LIFR: variants seen among roughly 807,000 people sequenced by gnomAD.
The protein encoded by LIFR is leukemia inhibitory factor receptor.
LIFR carries 84 observed loss-of-function variants against 122.2 expected under a neutral mutation model. The observed-to-expected ratio is 0.69, with a 90% CI of 0.58 to 0.82. The LOEUF (loss-of-function observed/expected upper bound fraction) is 0.82. Ranked by LOEUF, LIFR falls within the 40% of genes least tolerant of loss-of-function variation. The pLI is 0.00. For missense variants in LIFR, 1,294 were observed against 1,311.6 expected (o/e 0.99, Z 0.21); for synonymous variants, 422 against 434.7 (o/e 0.97, Z 0.36).
intron 1 of LIFR, among the ~76,000 whole-genome samples, chr5:38,549,112 C>T (rs1032717519): frequency 2.0e-5 from 3 of 152,090 alleles, no homozygotes; most frequent in African/African-American, 4.8e-5. Context: ...CTTCACCACA[C>T]GGCATGCTTT....
chr5:38,502,658 GT>G lies in LIFR; in HGVS notation c.1578del (p.Lys526AsnfsTer4), dbSNP rs1554020702. ...FWKWSKWSNK[K>X]QHLTTEASPS... ...TTACTGGCTTCTGTTGTTAAATGTTGTTTTTTATTGCTCCATTTGCTCCATT... is the reference window on the plus strand; with the variant it reads ...TTACTGGCTTCTGTTGTTAAATGTTGTTTTTATTGCTCCATTTGCTCCATT... On this transcript the variant is annotated frameshift_variant, in exon 11 of 20. Transcript: ENST00000453190. LOFTEE classifies it high-confidence loss of function. The G allele has an allele frequency of 6.2e-7, 1 of 1,613,062 alleles. No individual in the cohort carries two copies. Among genetic ancestry groups the G allele is most frequent in the Non-Finnish European group, 8.5e-7 (1 of 1,179,292 alleles).
At chr5:38,510,084 A>C (rs558160908) in intron 7 of LIFR, among the ~76,000 whole-genome samples, 1 of 152,356 alleles carries the variant, frequency 6.6e-6, no homozygotes, top group Non-Finnish European at 1.5e-5. Context: ...TTTAATTTAG[A>C]TACTTTAAAA....
intron 1 of LIFR, among the ~76,000 whole-genome samples, chr5:38,537,400 G>A (rs1747348536): frequency 6.6e-6 from 1 of 152,172 alleles, no homozygotes; most frequent in African/African-American, 2.4e-5. Flanking sequence ...ATACTTTAGA[G>A]TAACATCTGA....
At chr5:38,518,953 AAAAGTTTAC>A (rs1348790977) in intron 5 of LIFR, among the ~76,000 whole-genome samples, 1 of 152,240 alleles carries the variant, frequency 6.6e-6, no homozygotes, top group African/African-American at 2.4e-5. Flanking sequence ...TTTTTAACAA[AAAAGTTTAC>A]AAAGTTAAAG....
chr5:38,493,705 C>T lies in LIFR; in HGVS notation c.1966G>A (p.Asp656Asn), dbSNP rs145799748. ...GAGTTACACCACTTAATGACGTAGT[C>T]GCAAGTCATGTTGGGGTCGTAATGC... ...TWHYDPNMTC[D>N]YVIKWCNSSR... Residue 656 changes from aspartate (D) to asparagine (N), a missense_variant, in exon 14 of 20, where the codon GAC becomes AAC. Physicochemically the swap from Asp to Asn is conservative, Grantham distance 23 (BLOSUM62 1). Transcript: ENST00000453190. 28 of 1,613,956 alleles carry T rather than the reference C, an allele frequency of 1.7e-5. No individual in the cohort carries two copies. The highest frequency in any genetic ancestry group is 3.3e-4 in the Middle Eastern group (2 of 6,084).
At chr5:38,536,855 C>T (rs2112593693) in intron 1 of LIFR, among the ~76,000 whole-genome samples, 1 of 152,296 alleles carries the variant, frequency 6.6e-6, no homozygotes, top group East Asian at 1.9e-4. Flanking sequence ...TGAAATTTAA[C>T]ATTTGCTACA....
rs1743953880 is a variant in LIFR, at chr5:38,480,966, CT to C, written c.*628del. The C allele has an allele frequency of 4.5e-6, 1 of 221,216 alleles. No homozygotes were observed. 13.7% of individuals were successfully genotyped at this position (221,216 alleles called of 1,614,324 possible). ...ACACTTGTTTTCAAAGTTTGTACCC[CT>C]GAGACAACTGTTTGATAACCATTAT... On this transcript the variant is annotated 3_prime_UTR_variant, in exon 20 of 20. Coordinates refer to ENST00000453190, the MANE Select transcript of LIFR (RefSeq NM_001127671.2).
intron 2 of LIFR, 35 bp from the exon 3 acceptor site, chr5:38,528,875 CACAGACACACAT>C (rs1378582229): frequency 5.7e-5 from 27 of 471,860 alleles, no homozygotes; most frequent in Admixed American, 1.1e-4. Flanking sequence ...CACACACACA[CACAGACACACAT>C]AAACACAGAA....
At chr5:38,587,669 A>G (rs1275873685) in intron 1 of LIFR, among the ~76,000 whole-genome samples, 2 of 152,140 alleles carry the variant, frequency 1.3e-5, no homozygotes, top group Non-Finnish European at 2.9e-5. Context: ...GGGGACAAAT[A>G]GGGAGAAGAA....
chr5:38,510,384 C>A lies in LIFR; in HGVS notation c.991+80G>T, dbSNP rs6451387. The stretch of plus-strand genomic sequence containing the variant: ...GAAACAGAATCACTCCTCCCACCCC[C>A]CCACTCCAGAAGAATTAAGGCTTTC... On this transcript the variant is annotated intron_variant, in intron 7 of 19. Transcript: ENST00000453190. The A allele has an allele frequency of 6.9e-3, 8,967 of 1,300,474 alleles. 489 individuals are homozygous for A. The African/African-American group carries it at 0.11, about 16-fold the overall frequency. The allele number at this position is 1,300,474 out of a possible 1,614,324, so 80.6% of individuals were successfully genotyped here.
In LIFR at chr5:38,477,061, C is replaced by T. The variant is rs943686232; in HGVS notation, c.*4534G>A. On this transcript the variant is annotated 3_prime_UTR_variant, in exon 20 of 20. Transcript: ENST00000453190. ...GTACAATAAAGCCTGAAATAGCCAACTAATTGAATGTTATTCTTAATCCTT... is the reference window on the plus strand; with the variant it reads ...GTACAATAAAGCCTGAAATAGCCAATTAATTGAATGTTATTCTTAATCCTT... The T allele has an allele frequency of 1.8e-5, 4 of 224,544 alleles. No individual in the cohort carries two copies. Among genetic ancestry groups the T allele is most frequent in the African/African-American group, 8.9e-5 (4 of 44,916 alleles). 13.9% of individuals were successfully genotyped at this position (224,544 alleles called of 1,614,324 possible).
At chr5:38,586,602 A>T (rs889824985) in intron 1 of LIFR, among the ~76,000 whole-genome samples, 39 of 152,236 alleles carry the variant, frequency 2.6e-4, no homozygotes, top group African/African-American at 8.9e-4. Context: ...TAACATGTAG[A>T]TTCCTATAGG....
At chr5:38,570,143 G>A (rs951540859) in intron 1 of LIFR, among the ~76,000 whole-genome samples, 12 of 152,158 alleles carry the variant, frequency 7.9e-5, no homozygotes, top group South Asian at 2.1e-4. Flanking sequence ...TAACTTGCCC[G>A]TCTGTAAAAT....
chr5:38,493,048 C>T (rs1435093737), intron 14 of LIFR, among the ~76,000 whole-genome samples: 1 of 152,168 alleles, frequency 6.6e-6, no homozygotes, highest in Non-Finnish European at 1.5e-5. Flanking sequence ...CAAGGCCTCC[C>T]ACCCACACTG....
At chr5:38,493,570 T>C (rs1449285863) in intron 14 of LIFR, 36 bp downstream of exon 14, 1 of 1,587,968 alleles carries the variant, frequency 6.3e-7, no homozygotes, top group Non-Finnish European at 8.6e-7. Flanking sequence ...AAAAATATTT[T>C]GTAGAACTTA....
upstream of LIFR, among the ~76,000 whole-genome samples, chr5:38,599,097 C>A (rs1750177374): frequency 6.6e-6 from 1 of 152,130 alleles, no homozygotes; most frequent in Admixed American, 6.5e-5. Context: ...AGGCTTCCCC[C>A]AGGAGCTGTT....
At chr5:38,580,410 A>G (rs1749542738) in intron 1 of LIFR, among the ~76,000 whole-genome samples, 1 of 152,046 alleles carries the variant, frequency 6.6e-6, no homozygotes. Flanking sequence ...CCTTTCCCTT[A>G]TCACTGCCTC....
chr5:38,532,914 C>T lies in LIFR; in HGVS notation c.-19-2248G>A, dbSNP rs12517753. 5.0e-3 allele frequency among the ~76,000 whole-genome samples: 758 copies of T among 152,258 alleles called. 15 individuals carry two copies. The highest frequency in any genetic ancestry group is 0.042 in the Admixed American group (648 of 15,302). On this transcript the variant is annotated intron_variant, in intron 1 of 19. Coordinates refer to ENST00000453190, the MANE Select transcript of LIFR (RefSeq NM_001127671.2). ...CCTTAGAGGAGCACAAATTTTTATA[C>T]GATTTCAGGAGCTAACTTTCAAAAT...
At chr5:38,499,947 T>C (rs1342445219) in intron 11 of LIFR, among the ~76,000 whole-genome samples, 1 of 152,186 alleles carries the variant, frequency 6.6e-6, no homozygotes, top group African/African-American at 2.4e-5. Context: ...TCTCTTCCTC[T>C]GCCTACAACT....
Sources: gnomAD v4.1 joint callset for allele counts (sites outside exome capture counted in the v4.1 genomes callset) on GRCh38, gnomAD v4.1.1 for gene constraint, MANE v1.5 for transcripts, NCBI Gene and HGNC (gene_info 2026-07-23, HGNC 2026-07-21) for gene names.